The following INTU variants were observed in gnomAD, a reference collection of about 807,000 sequenced individuals.
The protein encoded by INTU is inturned planar cell polarity protein, also known as protein inturned.
Under a neutral mutation model 100.5 loss-of-function variants are expected in INTU, and 68 were observed. That is an observed-to-expected ratio of 0.68 (90% confidence interval 0.56 to 0.83). INTU has a LOEUF of 0.83. Among genes scored for constraint, INTU ranks in the 40% least tolerant of loss-of-function variants. The probability of loss-of-function intolerance (pLI) is 0.00; values close to 1 mark genes in which losing one functional copy is unlikely to be tolerated. For synonymous variants in INTU, 357 were observed against 395.7 expected (o/e 0.90, Z 1.16); for missense variants, 1,071 against 1,114.7 (o/e 0.96, Z 0.56).
chr4:127,654,392 T>G (rs1728072545), intron 2 of INTU, among the ~76,000 whole-genome samples: 1 of 152,196 alleles, frequency 6.6e-6, no homozygotes, highest in Non-Finnish European at 1.5e-5. Context: ...AGTGCTTCCT[T>G]CAGGAGCTCT....
At chr4:127,701,432 A>G (rs899291806) in intron 9 of INTU, among the ~76,000 whole-genome samples, 1 of 152,180 alleles carries the variant, frequency 6.6e-6, no homozygotes, top group African/African-American at 2.4e-5. Flanking sequence ...AATCTCATAG[A>G]TGAGGCTGAA....
intron 8 of INTU, among the ~76,000 whole-genome samples, chr4:127,694,708 C>A (rs1730305289): frequency 6.6e-6 from 1 of 152,078 alleles, no homozygotes; most frequent in Non-Finnish European, 1.5e-5. Flanking sequence ...TGGTGTGTGT[C>A]TAGATTGATA....
chr4:127,679,946 C>G (rs985376674), intron 6 of INTU, among the ~76,000 whole-genome samples: 2 of 152,206 alleles, frequency 1.3e-5, no homozygotes, highest in Non-Finnish European at 2.9e-5. Context: ...CACAGAATTA[C>G]AAACTACCGT....
chr4:127,700,669 T>C (rs1320166677), intron 9 of INTU, among the ~76,000 whole-genome samples: 2 of 151,876 alleles, frequency 1.3e-5, no homozygotes, highest in Non-Finnish European at 2.9e-5. Flanking sequence ...CAAACTGTCA[T>C]GAGACAACTT....
Position 127,678,573 on chromosome 4 carries a change from G to A in INTU, c.1181+4360G>A, listed in dbSNP as rs62334035. Among the ~76,000 whole-genome samples the A allele has an allele frequency of 2.0e-5, 3 of 152,126 alleles. No homozygotes were observed. In the South Asian group the frequency reaches 6.2e-4, roughly 32 times the overall value. The stretch of plus-strand genomic sequence containing the variant: ...TGCTGAGAGATTTTGTCACCACCAG[G>A]CCTGCCCTAAAAGAGCTCCTGAAGG... On this transcript the variant is annotated intron_variant, in intron 6 of 15. Transcript: ENST00000335251.
intron 6 of INTU, among the ~76,000 whole-genome samples, chr4:127,682,983 C>A (rs946232878): frequency 6.6e-6 from 1 of 152,076 alleles, no homozygotes; most frequent in African/African-American, 2.4e-5. Context: ...AGGAACTGAG[C>A]AAAGGCTGTT....
At chr4:127,678,962 G>A (rs1277495914) in intron 6 of INTU, among the ~76,000 whole-genome samples, 2 of 151,710 alleles carry the variant, frequency 1.3e-5, no homozygotes, top group African/African-American at 2.4e-5. Context: ...CCTAGTCTCT[G>A]ATAAAACAGA....
rs1731386467 is a variant in INTU, at chr4:127,724,169, C to T, written c.*7733C>T. On this transcript the variant is annotated 3_prime_UTR_variant, in exon 16 of 16. Coordinates refer to ENST00000335251, the MANE Select transcript of INTU (RefSeq NM_015693.4). ...CACGGTGGTGGCTCACGCCTGTAAT[C>T]CCAGCACTTTGGGAGGCCGAGGCAG... is the stretch of plus-strand genomic sequence containing the variant. The T allele has an allele frequency of 6.6e-6, 1 of 151,956 alleles. No homozygotes were observed. Among genetic ancestry groups the T allele is most frequent in the Admixed American group, 6.6e-5 (1 of 15,246 alleles). The allele number at this position is 151,956 out of a possible 1,614,324, so 9.4% of individuals were successfully genotyped here. A position where few individuals can be genotyped will look rare whatever the true frequency, so the allele number is the denominator to read the frequency against.
chr4:127,671,571 A>T, intron 5 of INTU, among the ~76,000 whole-genome samples: 1 of 152,056 alleles, frequency 6.6e-6, no homozygotes, highest in Admixed American at 6.6e-5. Flanking sequence ...TCAAAAAACT[A>T]AAAATAGAAC....
chr4:127,711,977 T>C (rs1731112333), intron 14 of INTU, among the ~76,000 whole-genome samples: 1 of 152,204 alleles, frequency 6.6e-6, no homozygotes, highest in Non-Finnish European at 1.5e-5. Flanking sequence ...ATTATTTAAA[T>C]GGCAGGAAAA....
At chr4:127,692,142 A>G (rs1333570924) in intron 8 of INTU, among the ~76,000 whole-genome samples, 2 of 151,794 alleles carry the variant, frequency 1.3e-5, no homozygotes, top group Non-Finnish European at 2.9e-5. Context: ...TGTATCAATC[A>G]GTAGATCTAC....
At position 127,697,175 on chromosome 4, in the gene INTU, A is replaced by T. The variant is rs540383171; in HGVS notation, c.1450-2835A>T. On this transcript the variant is annotated intron_variant, in intron 8 of 15. Transcript: ENST00000335251. ...TAGAATTTTCCCATTTAAAATGTGCAATCCAACATTTTTTAGTCTGTTCAC... is the reference window on the plus strand; with the variant it reads ...TAGAATTTTCCCATTTAAAATGTGCTATCCAACATTTTTTAGTCTGTTCAC... 2.0e-5 allele frequency among the ~76,000 whole-genome samples: 3 copies of T among 152,288 alleles called. No homozygotes were observed. In the East Asian group the frequency reaches 5.8e-4, roughly 29 times the overall value.
At chr4:127,690,082 C>G (rs927506860) in intron 8 of INTU, among the ~76,000 whole-genome samples, 1 of 152,122 alleles carries the variant, frequency 6.6e-6, no homozygotes, top group Admixed American at 6.6e-5. Flanking sequence ...GTTTTAGGGG[C>G]AGTGTGTTTA....
At chr4:127,649,803 G>A (rs1727757310) in intron 2 of INTU, among the ~76,000 whole-genome samples, 1 of 152,050 alleles carries the variant, frequency 6.6e-6, no homozygotes, top group Non-Finnish European at 1.5e-5. Flanking sequence ...CACATTAAGT[G>A]CTCAGTAAAT....
intron 2 of INTU, among the ~76,000 whole-genome samples, chr4:127,655,909 G>A (rs1280354308): frequency 2.0e-5 from 3 of 152,110 alleles, no homozygotes; most frequent in African/African-American, 4.8e-5. Flanking sequence ...AGCCAGGTGC[G>A]GGATATAATC....
rs562806480 is a variant in INTU at position 127,647,423 on chromosome 4, C to A, written c.682+3367C>A. On this transcript the variant is annotated intron_variant, in intron 2 of 15. Coordinates refer to ENST00000335251, the MANE Select transcript of INTU (RefSeq NM_015693.4). ...GTGGTCCTGTCCTCCATCATCAAAGCCAGCAGCATAGCATCTTCCAGTCTC... is the reference window on the plus strand; with the variant it reads ...GTGGTCCTGTCCTCCATCATCAAAGACAGCAGCATAGCATCTTCCAGTCTC... Among the ~76,000 whole-genome samples, 5 of 152,310 alleles carry A rather than the reference C, an allele frequency of 3.3e-5. No individual in the cohort carries two copies. In the South Asian group the frequency reaches 1.0e-3, roughly 32 times the overall value.
intron 6 of INTU, among the ~76,000 whole-genome samples, chr4:127,682,825 A>T (rs1729642486): frequency 6.6e-6 from 1 of 152,184 alleles, no homozygotes; most frequent in South Asian, 2.1e-4. Context: ...AACATCCAGA[A>T]TGAGATGATT....
chr4:127,669,208 C>T, intron 5 of INTU, 54 bp downstream of exon 5: 1 of 818,190 alleles, frequency 1.2e-6, no homozygotes, highest in South Asian at 1.7e-5. Flanking sequence ...TTTTATTTCA[C>T]CCTGACAAAA....
At chr4:127,640,542 C>CATATATATATATATATATAT (rs869116277) in intron 1 of INTU, among the ~76,000 whole-genome samples, 5 of 53,634 alleles carry the variant, frequency 9.3e-5, no homozygotes, top group Admixed American at 2.3e-4. Context: ...GGTAAAGATA[C>CATATATATATATATATATAT]ATATATATAT....
Sources: allele counts gnomAD v4.1 joint callset (sites outside exome capture counted in the v4.1 genomes callset), GRCh38; gene constraint gnomAD v4.1.1; transcripts MANE v1.5; gene names NCBI Gene and HGNC (gene_info 2026-07-23, HGNC 2026-07-21).